Variants in KLRG1 observed in about 807,000 individuals in gnomAD.
KLRG1 encodes killer cell lectin like receptor G1.
A neutral mutation model predicts 21.8 loss-of-function variants in KLRG1; 16 were observed. The ratio of observed to expected loss-of-function variants is 0.73; its 90% CI spans 0.50 to 1.11. The LOEUF (loss-of-function observed/expected upper bound fraction) is 1.11, where lower values mean the gene tolerates loss of function less well. Ranked by LOEUF, KLRG1 falls within the 50% of genes most tolerant of loss-of-function variation. KLRG1 has a pLI of 0.00. For missense variants in KLRG1, 173 were observed against 218.3 expected, an observed-to-expected ratio of 0.79 and a Z score of 1.31; for synonymous variants, 69 against 75.9, an observed-to-expected ratio of 0.91 and a Z score of 0.47.
the KLRG1 span, among the ~76,000 whole-genome samples, chr12:9,073,366 A>T: frequency 1.1e-3 from 173 of 152,348 alleles, 1 homozygote; most frequent in Non-Finnish European, 6.2e-4. Flanking sequence ...AAAGAAATAA[A>T]AGATGAGTAT....
chr12:9,055,992 A>G, the KLRG1 span, among the ~76,000 whole-genome samples: 1 of 152,348 alleles, frequency 6.6e-6, no homozygotes, highest in East Asian at 1.9e-4. Flanking sequence ...GTTACCTTGC[A>G]GTATGATAAA....
the KLRG1 span, among the ~76,000 whole-genome samples, chr12:9,174,534 C>G: frequency 6.6e-6 from 1 of 151,364 alleles, no homozygotes; most frequent in Non-Finnish European, 1.5e-5. Context: ...GTCAAATTAT[C>G]TTTATTTGAT....
At chr12:9,045,950 C>T in the KLRG1 span, among the ~76,000 whole-genome samples, 5 of 152,226 alleles carry the variant, frequency 3.3e-5, no homozygotes, top group African/African-American at 9.6e-5. Flanking sequence ...AATCAAACAC[C>T]GCATATTCTC....
the KLRG1 span, among the ~76,000 whole-genome samples, chr12:9,168,094 A>G: frequency 1.3e-5 from 2 of 152,202 alleles, no homozygotes; most frequent in Non-Finnish European, 1.5e-5. Flanking sequence ...TATTTAAACA[A>G]TCAAAGTTCT....
At chr12:9,104,113 G>A in the KLRG1 span, 18 of 933,854 alleles carry the variant, frequency 1.9e-5, no homozygotes, top group Middle Eastern at 2.3e-4. Flanking sequence ...ACCTTCAATC[G>A]GTTTCTAATT....
chr12:9,083,203 A>G, the KLRG1 span, among the ~76,000 whole-genome samples: 1 of 152,108 alleles, frequency 6.6e-6, no homozygotes, highest in Non-Finnish European at 1.5e-5. Context: ...GAACACTTGG[A>G]CACAGGAAGG....
chr12:9,093,912 CA>C, the KLRG1 span, among the ~76,000 whole-genome samples: 100 of 151,158 alleles, frequency 6.6e-4, no homozygotes, highest in Middle Eastern at 3.4e-3. Context: ...AACAAACAAA[CA>C]AACAACAAAA....
At chr12:9,162,237 C>T in the KLRG1 span, 1 of 174,674 alleles carries the variant, frequency 5.7e-6, no homozygotes, top group Non-Finnish European at 1.2e-5. Flanking sequence ...GCTGGGATTA[C>T]AAATGTGAGC....
the KLRG1 span, among the ~76,000 whole-genome samples, chr12:9,124,541 C>T: frequency 1.3e-5 from 2 of 152,214 alleles, no homozygotes; most frequent in Non-Finnish European, 2.9e-5. Context: ...CAGAGAGAGC[C>T]CGGGACAAGC....
the KLRG1 span, chr12:9,106,367 T>G: frequency 6.5e-7 from 1 of 1,548,936 alleles, no homozygotes; most frequent in Non-Finnish European, 8.9e-7. Context: ...GAAAAAAATC[T>G]GTTATTTTTG....
the KLRG1 span, chr12:9,202,738 G>A: frequency 1.3e-6 from 2 of 1,512,078 alleles, no homozygotes; most frequent in African/African-American, 2.8e-5. Context: ...TTCTCCCTCT[G>A]CATTCTTCAG....
chr12:9,126,185 T>C, the KLRG1 span, among the ~76,000 whole-genome samples: 15 of 152,364 alleles, frequency 9.8e-5, no homozygotes, highest in Admixed American at 4.6e-4. Flanking sequence ...GAGATTATTA[T>C]TAATCACAGT....
At chr12:9,131,348 T>G in the KLRG1 span, among the ~76,000 whole-genome samples, 8 of 152,234 alleles carry the variant, frequency 5.3e-5, no homozygotes, top group East Asian at 1.5e-3. Flanking sequence ...TTCCATTATT[T>G]AAATTAAAAT....
chr12:8,971,416 C>G (rs1223351916), intron 1 of KLRG1, among the ~76,000 whole-genome samples: 1 of 151,904 alleles, frequency 6.6e-6, no homozygotes, highest in Non-Finnish European at 1.5e-5. Flanking sequence ...TCTTTAAAAT[C>G]TTTAGCAATA....
At chr12:9,023,969 G>A in the KLRG1 span, among the ~76,000 whole-genome samples, 1 of 142,870 alleles carries the variant, frequency 7.0e-6, no homozygotes, top group East Asian at 2.0e-4. Context: ...TTTTTCCATT[G>A]AATTCTTTTG....
At chr12:9,098,886 G>T in the KLRG1 span, 1 of 959,754 alleles carries the variant, frequency 1.0e-6, no homozygotes, top group African/African-American at 1.7e-5. Context: ...GGTTGGCATT[G>T]TGTCAATCCT....
the KLRG1 span, chr12:9,098,878 T>C: frequency 9.0e-7 from 1 of 1,111,852 alleles, no homozygotes; most frequent in Non-Finnish European, 1.3e-6. Context: ...TCGTGGAGGG[T>C]TGGCATTGTG....
the KLRG1 span, among the ~76,000 whole-genome samples, chr12:9,085,658 A>G: frequency 6.6e-6 from 1 of 152,226 alleles, no homozygotes; most frequent in East Asian, 1.9e-4. Flanking sequence ...AATAAAGATT[A>G]GAGCAGAAAT....
At chr12:9,086,472 C>T in the KLRG1 span, among the ~76,000 whole-genome samples, 1 of 152,102 alleles carries the variant, frequency 6.6e-6, no homozygotes, top group African/African-American at 2.4e-5. Flanking sequence ...CCCTGAGATG[C>T]AAAAATTGTT....
Sources: allele counts gnomAD v4.1 joint callset (sites outside exome capture counted in the v4.1 genomes callset), GRCh38; gene constraint gnomAD v4.1.1; transcripts MANE v1.5; gene names NCBI Gene and HGNC (gene_info 2026-07-23, HGNC 2026-07-21).